PRKX: variants seen among roughly 807,000 people sequenced by gnomAD.
PRKX encodes cAMP-dependent protein kinase catalytic subunit PRKX.
PRKX carries 12 observed loss-of-function variants against 22.0 expected under a neutral mutation model. That is an observed-to-expected ratio of 0.54 (90% CI 0.35 to 0.88). PRKX has a LOEUF of 0.88. PRKX is among the 40% of genes least tolerant of loss of function. The pLI is 0.01. For missense variants in PRKX, 217 were observed against 308.0 expected, an observed-to-expected ratio of 0.70 and a Z score of 2.21; for synonymous variants, 134 against 137.7, an observed-to-expected ratio of 0.97 and a Z score of 0.19.
At chrX:3,691,031 GCA>G (rs971588235) in intron 1 of PRKX, among the ~76,000 whole-genome samples, 2 of 111,520 alleles carry the variant, frequency 1.8e-5, no homozygotes, top group African/African-American at 6.5e-5. Context: ...TAGAGACCGA[GCA>G]CAGTTAGGAG....
intron 1 of PRKX, among the ~76,000 whole-genome samples, chrX:3,709,989 T>G (rs58573888): frequency 0.023 from 2,533 of 109,061 alleles, 76 homozygotes; most frequent in African/African-American, 0.081. Context: ...GGTCTCACTA[T>G]ATTGCCCAGG....
intron 3 of PRKX, among the ~76,000 whole-genome samples, chrX:3,653,453 A>G (rs930197124): frequency 3.3e-4 from 36 of 108,421 alleles, no homozygotes; most frequent in African/African-American, 9.1e-4. Context: ...GACGACATGT[A>G]ATGGTTTGTT....
intron 2 of PRKX, among the ~76,000 whole-genome samples, chrX:3,664,731 T>C (rs888516029): frequency 8.0e-5 from 9 of 112,252 alleles, no homozygotes; most frequent in Non-Finnish European, 1.3e-4. Context: ...AAATACCGCA[T>C]AGTCTCACTC....
intron 6 of PRKX, among the ~76,000 whole-genome samples, chrX:3,617,361 G>C (rs1467234241): frequency 1.8e-5 from 2 of 110,122 alleles, no homozygotes; most frequent in Non-Finnish European, 3.8e-5. Flanking sequence ...TGTGTGTGAG[G>C]GGGGTGGGAG....
intron 1 of PRKX, among the ~76,000 whole-genome samples, chrX:3,686,562 CT>C (rs57037374): frequency 0.14 from 14,480 of 99,977 alleles, 1,400 homozygotes; most frequent in African/African-American, 0.32. Flanking sequence ...TGTTTTAAAT[CT>C]TTTTTTTTTT....
chrX:3,634,551 C>A (rs1183243909), intron 4 of PRKX, among the ~76,000 whole-genome samples: 3 of 111,303 alleles, frequency 2.7e-5, no homozygotes, highest in Non-Finnish European at 5.7e-5. Context: ...GATGAATTTT[C>A]TCCTATGCCT....
chrX:3,650,520 C>CAG (rs1555894918), intron 3 of PRKX, among the ~76,000 whole-genome samples: 2 of 37,838 alleles, frequency 5.3e-5, no homozygotes, highest in African/African-American at 2.3e-4. Context: ...GACTCCTCTC[C>CAG]AAAAAAAAAA....
At chrX:3,618,066 AAAGAG>A (rs1350348257) in intron 6 of PRKX, among the ~76,000 whole-genome samples, 1 of 85,147 alleles carries the variant, frequency 1.2e-5, no homozygotes, top group African/African-American at 4.4e-5. Context: ...AAAAAAAAAA[AAAGAG>A]AGAGAGAGAG....
chrX:3,609,672 T>G lies in PRKX; in HGVS notation c.*24-727A>C, dbSNP rs1253619891. Among the ~76,000 whole-genome samples the G allele has an allele frequency of 1.9e-4, 21 of 110,824 alleles. No individual in the cohort carries two copies. In the Admixed American group the frequency reaches 1.9e-3, roughly 10 times the overall value. ...GTCTCACTATGTTGCCCAGGCTTGATCTCAAACTCCTGACCTCAAGTGAGC... is the reference window on the plus strand; with the variant it reads ...GTCTCACTATGTTGCCCAGGCTTGAGCTCAAACTCCTGACCTCAAGTGAGC... On this transcript the variant is annotated intron_variant, in intron 8 of 8. Coordinates refer to ENST00000262848, the MANE Select transcript of PRKX (RefSeq NM_005044.5).
chrX:3,629,197 G>A (rs1926718193), intron 4 of PRKX, among the ~76,000 whole-genome samples: 1 of 111,134 alleles, frequency 9.0e-6, no homozygotes, highest in Non-Finnish European at 1.9e-5. Flanking sequence ...CTGCTTGCAC[G>A]GCACTATAAG....
At position 3,606,207 on chromosome X, in the gene PRKX, A is replaced by C. The variant is rs1926167707; in HGVS notation, c.*2762T>G. The C allele has an allele frequency of 8.9e-6, 1 of 112,306 alleles. No homozygotes were observed. Among genetic ancestry groups the C allele is most frequent in the Non-Finnish European group, 1.9e-5 (1 of 53,287 alleles). The allele number at this position is 112,306 out of a possible 1,213,427, so 9.3% of individuals were successfully genotyped here. A position where few individuals can be genotyped will look rare whatever the true frequency, so the allele number is the denominator to read the frequency against. On this transcript the variant is annotated 3_prime_UTR_variant, in exon 9 of 9. Coordinates refer to ENST00000262848, the MANE Select transcript of PRKX (RefSeq NM_005044.5). Reference sequence around the variant, plus strand: ...TGATACAAATGTTGTGATTATGGTAATGAATTTTCCTCCACATTTTGCGCA... The same window carrying C: ...TGATACAAATGTTGTGATTATGGTACTGAATTTTCCTCCACATTTTGCGCA...
chrX:3,657,933 C>T (rs1239045817), intron 2 of PRKX, among the ~76,000 whole-genome samples: 2 of 111,902 alleles, frequency 1.8e-5, no homozygotes, highest in African/African-American at 6.5e-5. Flanking sequence ...AGAACGTTTT[C>T]ACCTAAAGAT....
intron 2 of PRKX, among the ~76,000 whole-genome samples, chrX:3,670,702 A>G (rs1277157554): frequency 9.2e-6 from 1 of 108,462 alleles, no homozygotes; most frequent in Non-Finnish European, 1.9e-5. Flanking sequence ...CCCCCACCAC[A>G]CCCAGCTAAT....
chrX:3,629,653 T>C (rs1332137028), intron 4 of PRKX, among the ~76,000 whole-genome samples: 9 of 108,781 alleles, frequency 8.3e-5, no homozygotes, highest in African/African-American at 3.0e-4. Context: ...GCCTGAGATA[T>C]CATATTTTTC....
chrX:3,643,004 CAAAAAAAAA>C (rs60090711), intron 3 of PRKX, among the ~76,000 whole-genome samples: 1 of 27,560 alleles, frequency 3.6e-5, no homozygotes, highest in African/African-American at 1.9e-4. Context: ...GACTCTCTCT[CAAAAAAAAA>C]AAAAAAAAAA....
chrX:3,685,214 CTTCT>C (rs1928152425), intron 1 of PRKX, among the ~76,000 whole-genome samples: 1 of 109,742 alleles, frequency 9.1e-6, no homozygotes, highest in Non-Finnish European at 1.9e-5. Context: ...CCCTTCCCTC[CTTCT>C]TTCATCGGTT....
At chrX:3,672,100 A>G (rs1273885613) in intron 2 of PRKX, among the ~76,000 whole-genome samples, 1 of 111,346 alleles carries the variant, frequency 9.0e-6, no homozygotes, top group Non-Finnish European at 1.9e-5. Flanking sequence ...GAGGCTGAGG[A>G]AGGAGGATGG....
rs200875153 is a variant in PRKX at position 3,688,709 on chromosome X, A to ATTT, written c.167-13946_167-13944dup. 5.5e-5 allele frequency among the ~76,000 whole-genome samples: 6 copies of ATTT among 108,427 alleles called. No homozygotes were observed. In the South Asian group the frequency reaches 2.4e-3, roughly 44 times the overall value. The allele number at this position is 108,427 out of a possible 115,157, so 94.2% of individuals were successfully genotyped here. A position where few individuals can be genotyped will look rare whatever the true frequency, so the allele number is the denominator to read the frequency against. ...CAGACACCATCTATAAAAAAAAAAA[A>ATTT]TTTTTTTTAATGAGCCGGGTGTGGT... On this transcript the variant is annotated intron_variant, in intron 1 of 8. Transcript: ENST00000262848.
At position 3,655,390 on chromosome X, in the gene PRKX, G is replaced by C; in HGVS notation, c.358C>G (p.Arg120Gly). Residue 120 changes from arginine to glycine, a missense_variant, in exon 3 of 9, where the codon CGC (arginine) becomes GGC (glycine). By Grantham distance (125) the Arg-to-Gly change is moderately radical. Coordinates refer to ENST00000262848, the MANE Select transcript of PRKX (RefSeq NM_005044.5). ...TACTCCATGAGCATGTAGAGGAAGC[G>C]CTCGTCATGCCACGTCCAGAACCTG... Reference protein sequence around the residue: ...IRLFWTWHDERFLYMLMEYVP... With the variant: ...IRLFWTWHDEGFLYMLMEYVP... 8.2e-7 allele frequency: 1 copy of C among 1,212,213 alleles called. No homozygotes were observed. Among genetic ancestry groups the C allele is most frequent in the Non-Finnish European group, 1.1e-6 (1 of 895,640 alleles).
Sources: allele counts gnomAD v4.1 joint callset (sites outside exome capture counted in the v4.1 genomes callset), GRCh38; gene constraint gnomAD v4.1.1; transcripts MANE v1.5; gene names NCBI Gene and HGNC (gene_info 2026-07-23, HGNC 2026-07-21).